Variants in MALRD1 observed in about 807,000 individuals in gnomAD.
MALRD1 encodes MAM and LDL receptor class A domain containing 1.
In MALRD1, 247 loss-of-function variants were observed where a neutral mutation model predicts 242.1. The observed-to-expected ratio is 1.02, with a 90% confidence interval of 0.92 to 1.13. The LOEUF is 1.13. Ranked by LOEUF, MALRD1 falls within the 50% of genes most tolerant of loss-of-function variation. The pLI, the probability that MALRD1 is intolerant of heterozygous loss-of-function variation, is 0.00. For missense variants in MALRD1, 2,989 were observed against 2,533.1 expected (o/e 1.18, Z -3.86); for synonymous variants, 995 against 866.6 (o/e 1.15, Z -2.60).
At chr10:19,291,968 C>T (rs540091699) in intron 21 of MALRD1, among the ~76,000 whole-genome samples, 4 of 151,060 alleles carry the variant, frequency 2.6e-5, no homozygotes, top group African/African-American at 9.7e-5. Flanking sequence ...TGCCTGTAAT[C>T]CCAGTTACTC....
chr10:19,050,133 G>C (rs1834444007), intron 1 of MALRD1, among the ~76,000 whole-genome samples: 2 of 140,086 alleles, frequency 1.4e-5, no homozygotes, highest in Non-Finnish European at 3.0e-5. Flanking sequence ...TGTCGCCCAG[G>C]CTGGAGTGCA....
chr10:19,072,896 T>C (rs1014413838), intron 2 of MALRD1, among the ~76,000 whole-genome samples: 2 of 151,978 alleles, frequency 1.3e-5, no homozygotes, highest in Admixed American at 6.6e-5. Context: ...TTACAGTGTC[T>C]TTTTTTCACT....
At chr10:19,125,322 CTTCTTTCTTTCT>C (rs1200202607) in intron 7 of MALRD1, among the ~76,000 whole-genome samples, 1,151 of 63,382 alleles carry the variant, frequency 0.018, 22 homozygotes, top group Non-Finnish European at 0.029. Context: ...TCCTTCCTTC[CTTCTTTCTTTCT>C]TTCTTTCTTT....
At chr10:19,433,019 C>G (rs1039342827) in intron 28 of MALRD1, among the ~76,000 whole-genome samples, 14 of 152,202 alleles carry the variant, frequency 9.2e-5, no homozygotes, top group African/African-American at 3.4e-4. Context: ...ATAGATACAG[C>G]TATTCCACTT....
chr10:19,053,980 G>A (rs781087016), intron 1 of MALRD1, among the ~76,000 whole-genome samples: 10 of 151,928 alleles, frequency 6.6e-5, no homozygotes, highest in Non-Finnish European at 1.0e-4. Flanking sequence ...AACCTATAGT[G>A]AACTAAAAAA....
At chr10:19,654,095 C>T (rs1442573527) in intron 36 of MALRD1, among the ~76,000 whole-genome samples, 2 of 152,096 alleles carry the variant, frequency 1.3e-5, no homozygotes, top group East Asian at 1.9e-4. Context: ...ATATTGTCTC[C>T]TGTGGGAGCA....
chr10:19,128,539 C>G (rs1485805128), intron 8 of MALRD1, among the ~76,000 whole-genome samples, 152 bp downstream of exon 8: 2 of 152,078 alleles, frequency 1.3e-5, no homozygotes, highest in Non-Finnish European at 2.9e-5. Flanking sequence ...GATTAAGAAA[C>G]TAGGATAGGG....
At chr10:19,094,584 A>G (rs1180843976) in intron 4 of MALRD1, among the ~76,000 whole-genome samples, 1 of 151,602 alleles carries the variant, frequency 6.6e-6, no homozygotes, top group African/African-American at 2.4e-5. Context: ...TGTAGACCGG[A>G]GCTGTTCCTA....
chr10:19,096,549 A>C (rs1836041892), intron 4 of MALRD1, among the ~76,000 whole-genome samples: 1 of 152,286 alleles, frequency 6.6e-6, no homozygotes, highest in Non-Finnish European at 1.5e-5. Flanking sequence ...CCTGTCAGCA[A>C]GTGAGCAGAT....
intron 31 of MALRD1, among the ~76,000 whole-genome samples, chr10:19,502,039 A>G (rs1475068134): frequency 6.6e-6 from 1 of 151,188 alleles, no homozygotes; most frequent in African/African-American, 2.4e-5. Context: ...AAGAAAAGAA[A>G]AGAAAAGAAA....
chr10:19,308,911 A>G (rs1439164041), intron 21 of MALRD1, among the ~76,000 whole-genome samples: 1 of 151,622 alleles, frequency 6.6e-6, no homozygotes, highest in African/African-American at 2.4e-5. Flanking sequence ...AGCTGAACTG[A>G]CAAGGTAGTA....
At chr10:19,592,728 G>GACACACACACAC (rs71949886) in intron 33 of MALRD1, among the ~76,000 whole-genome samples, 2 of 123,828 alleles carry the variant, frequency 1.6e-5, no homozygotes, top group South Asian at 2.5e-4. Context: ...AAAATATAAA[G>GACACACACACAC]ACACACACAC....
At chr10:19,086,537 A>T (rs1023082009) in intron 2 of MALRD1, among the ~76,000 whole-genome samples, 2 of 152,114 alleles carry the variant, frequency 1.3e-5, no homozygotes, top group Admixed American at 6.6e-5. Flanking sequence ...CACTGGTTTT[A>T]TCCGTACTGC....
chr10:19,128,555 T>G (rs772619917), intron 8 of MALRD1, among the ~76,000 whole-genome samples, 168 bp downstream of exon 8: 27 of 152,166 alleles, frequency 1.8e-4, no homozygotes, highest in Non-Finnish European at 3.8e-4. Flanking sequence ...TAGGGGACAC[T>G]CTCATGTACA....
In MALRD1 at chr10:19,110,961, G is replaced by C. The variant is rs146137010; in HGVS notation, c.694+6886G>C. ...GGAATTGGTTGCTGCCATTGAAACT[G>C]TATTTGCATTACAAATTTACAAACA... On this transcript the variant is annotated intron_variant, in intron 5 of 39. Coordinates refer to ENST00000454679, the MANE Select transcript of MALRD1 (RefSeq NM_001142308.3). 1.7e-4 allele frequency among the ~76,000 whole-genome samples: 26 copies of C among 152,272 alleles called. No individual in the cohort carries two copies. The South Asian group carries it at 2.5e-3, about 15-fold the overall frequency.
intron 21 of MALRD1, among the ~76,000 whole-genome samples, chr10:19,296,268 T>C (rs1005215131): frequency 2.0e-5 from 3 of 152,156 alleles, no homozygotes; most frequent in Non-Finnish European, 4.4e-5. Flanking sequence ...GTTACACTTT[T>C]TCCTCAAATG....
chr10:19,401,989 CT>C (rs1846874269), intron 28 of MALRD1, among the ~76,000 whole-genome samples: 1 of 152,172 alleles, frequency 6.6e-6, no homozygotes, highest in African/African-American at 2.4e-5. Context: ...AAGAATGAGA[CT>C]TACATGTAAC....
chr10:19,472,159 CTG>C (rs1338545860), intron 29 of MALRD1, among the ~76,000 whole-genome samples: 1 of 151,998 alleles, frequency 6.6e-6, no homozygotes, highest in Non-Finnish European at 1.5e-5. Flanking sequence ...ATTGAAATGA[CTG>C]TATGATTTTT....
At chr10:19,314,411 C>T (rs1842550889) in intron 21 of MALRD1, among the ~76,000 whole-genome samples, 1 of 151,368 alleles carries the variant, frequency 6.6e-6, no homozygotes, top group Admixed American at 6.6e-5. Flanking sequence ...GGACCAATAC[C>T]AGAAGTTATA....
Sources: allele counts gnomAD v4.1 joint callset (sites outside exome capture counted in the v4.1 genomes callset), GRCh38; gene constraint gnomAD v4.1.1; transcripts MANE v1.5; gene names NCBI Gene and HGNC (gene_info 2026-07-23, HGNC 2026-07-21).